The following COL2A1 variants were observed in gnomAD, a reference collection of about 807,000 sequenced individuals.
COL2A1 encodes collagen type II alpha 1 chain.
COL2A1 carries 28 observed loss-of-function variants against 204.5 expected under a neutral mutation model. That is an observed-to-expected ratio of 0.14 (90% CI 0.10 to 0.19). COL2A1 has a LOEUF of 0.19. COL2A1 is among the 10% of genes least tolerant of loss of function. The pLI, the probability that COL2A1 is intolerant of heterozygous loss-of-function variation, is 1.00. For missense variants in COL2A1, 1,388 were observed against 2,027.5 expected, an observed-to-expected ratio of 0.68 and a Z score of 6.06; for synonymous variants, 708 against 718.7, an observed-to-expected ratio of 0.99 and a Z score of 0.24.
At chr12:47,996,040 G>A in intron 8 of COL2A1, 121 bp from the exon 9 acceptor site, 1 of 767,558 alleles carries the variant, frequency 1.3e-6, no homozygotes, top group Non-Finnish European at 2.3e-6. Context: ...TGGGCAAGGG[G>A]CCTAGAGTGG....
In COL2A1 at chr12:47,980,623, T is replaced by C; in HGVS notation, c.2556A>G (p.Gly852=). The change falls in exon 39 of 54, where the codon GGA becomes GGG. Residue 852 remains glycine (G), a synonymous_variant. Transcript: ENST00000380518. This position sits in a 1 kb window ranked among gnomAD's most constrained non-coding sequence, Gnocchi z 4.5. ...DGQPGAKGEQ[G]EAGQKGDAGA... Reference sequence around the variant, plus strand: ...CAGCATCGCCTTTCTGGCCGGCCTCTCCTTGCTCACCCTTGGCCCCAGGCT... The same window carrying C: ...CAGCATCGCCTTTCTGGCCGGCCTCCCCTTGCTCACCCTTGGCCCCAGGCT... 6.2e-7 allele frequency: 1 copy of C among 1,612,854 alleles called. No individual in the cohort carries two copies. Among genetic ancestry groups the C allele is most frequent in the Non-Finnish European group, 8.5e-7 (1 of 1,179,628 alleles).
rs769679774 is a variant in COL2A1 at position 47,994,455 on chromosome 12, T to C, written c.785A>G (p.Lys262Arg). ...ACCAGGCGGACCCCTTTCACCAGCTTTTCCAGGTTTTCCAGCTTCACCCTG... is the reference window on the plus strand; with the variant it reads ...ACCAGGCGGACCCCTTTCACCAGCTCTTCCAGGTTTTCCAGCTTCACCCTG... ...GDDGEAGKPG[K>R]AGERGPPGPQ... is the part of the protein sequence containing the mutation. The change falls in exon 12 of 54, where the codon AAA (lysine) becomes AGA (arginine). Residue 262 changes from lysine (K) to arginine (R), a missense_variant. This residue lies in a region of COL2A1 where 884 missense variants were observed against 1,415.8 expected (regional missense o/e 0.62). Transcript: ENST00000380518. 4 of 1,614,006 alleles carry C rather than the reference T, an allele frequency of 2.5e-6. No homozygotes were observed. The highest frequency in any genetic ancestry group is 3.3e-5 in the Admixed American group (2 of 60,020).
At chr12:47,993,660 T>C (rs1464978378) in intron 14 of COL2A1, 149 bp downstream of exon 14, 7 of 1,090,210 alleles carry the variant, frequency 6.4e-6, no homozygotes, top group Non-Finnish European at 9.8e-6. Flanking sequence ...GGCCTGCTGT[T>C]GGCCCATCAG....
rs1938711190 is a variant in COL2A1, at chr12:47,976,455, G to A, written c.3489+59C>T. ...AGCAGCAGCATTTCCCTCCCCATGG[G>A]AACACAGGCCCACACTCTCTGAAGG... is the stretch of plus-strand genomic sequence containing the variant. On this transcript the variant is annotated intron_variant, in intron 49 of 53. Transcript: ENST00000380518. The surrounding 1 kb of genome is among the most constrained non-coding windows in gnomAD (Gnocchi z 4.3). The A allele has an allele frequency of 8.9e-6, 14 of 1,573,562 alleles. No individual in the cohort carries two copies. The highest frequency in any genetic ancestry group is 1.1e-5 in the Non-Finnish European group (13 of 1,143,442).
At chr12:47,997,537 G>T in intron 7 of COL2A1, 69 bp downstream of exon 7, 2 of 1,613,112 alleles carry the variant, frequency 1.2e-6, no homozygotes, top group South Asian at 2.2e-5. Flanking sequence ...CCAGGTAAGT[G>T]CAAGCAGCAA....
At position 47,981,416 on chromosome 12, in the gene COL2A1, G is replaced by A. The variant is rs377620449; in HGVS notation, c.2410-20C>T. Reference sequence around the variant, plus strand: ...TTCTCCCTGAGGGTGGGGAAGGGAGGAAGAGCTGGGGTAAGAAGGTGGGGA... The same window carrying A: ...TTCTCCCTGAGGGTGGGGAAGGGAGAAAGAGCTGGGGTAAGAAGGTGGGGA... On this transcript the variant is annotated intron_variant, in intron 36 of 53. Coordinates refer to ENST00000380518, the MANE Select transcript of COL2A1 (RefSeq NM_001844.5). 1.0e-5 allele frequency: 16 copies of A among 1,604,292 alleles called. No homozygotes were observed. In the African/African-American group the frequency reaches 1.7e-4, roughly 17 times the overall value.
intron 41 of COL2A1, among the ~76,000 whole-genome samples, 173 bp downstream of exon 41, chr12:47,979,338 G>C (rs1279214591): frequency 2.0e-5 from 3 of 152,152 alleles, no homozygotes; most frequent in Non-Finnish European, 4.4e-5. Context: ...CCACAACCCT[G>C]CCCCCAGCCA....
At chr12:47,989,165 G>C in intron 18 of COL2A1, 63 bp downstream of exon 18, 1 of 1,409,952 alleles carries the variant, frequency 7.1e-7, no homozygotes, top group South Asian at 1.2e-5. Context: ...ATGAGCAAGG[G>C]TTACGGGGAA....
intron 16 of COL2A1, among the ~76,000 whole-genome samples, chr12:47,990,257 G>A (rs955337778): frequency 1.3e-5 from 2 of 152,154 alleles, no homozygotes; most frequent in African/African-American, 2.4e-5. Context: ...TGATCCACCC[G>A]CCTCAGGCTC....
chr12:47,977,657 GA>G lies in COL2A1; in HGVS notation c.3112-5del. ...GGCCATCAGCACCGGGGCTTCCCTG[GA>G]CAAAGTGAAACAAGAATGCACTTAG... On this transcript the variant is annotated splice_region_variant and splice_polypyrimidine_tract_variant and intron_variant, in intron 44 of 53. Transcript: ENST00000380518. The G allele has an allele frequency of 6.2e-7, 1 of 1,613,994 alleles. No individual in the cohort carries two copies. Among genetic ancestry groups the G allele is most frequent in the Non-Finnish European group, 8.5e-7 (1 of 1,179,952 alleles).
rs1178605062 is a variant in COL2A1 at position 47,982,871 on chromosome 12, T to C, written c.2170A>G (p.Thr724Ala). ...GLQGPRGLPG[T>A]PGTDGPKGAS... ...ACTTTGGGACCATCAGTGCCAGGAGTGCCGGGGAGGCCACGGGGACCCTGG... is the reference window on the plus strand; with the variant it reads ...ACTTTGGGACCATCAGTGCCAGGAGCGCCGGGGAGGCCACGGGGACCCTGG... The change falls in exon 33 of 54, where the codon ACT (threonine) becomes GCT (alanine). Residue 724 changes from threonine to alanine, a missense_variant. Coordinates refer to ENST00000380518, the MANE Select transcript of COL2A1 (RefSeq NM_001844.5). 6.2e-7 allele frequency: 1 copy of C among 1,611,680 alleles called. No individual in the cohort carries two copies. The highest frequency in any genetic ancestry group is 8.5e-7 in the Non-Finnish European group (1 of 1,179,700).
intron 2 of COL2A1, chr12:47,998,695 G>T (rs915920): frequency 6.1e-6 from 3 of 489,062 alleles, no homozygotes; most frequent in Admixed American, 3.9e-5. Flanking sequence ...AAAGGAGCAA[G>T]GGCAGCACAA....
At chr12:47,982,415 G>A (rs1214443747) in intron 34 of COL2A1, 87 bp downstream of exon 34, 8 of 1,128,058 alleles carry the variant, frequency 7.1e-6, no homozygotes, top group Non-Finnish European at 1.1e-5. Context: ...TCATCACCAG[G>A]TGCCATAAGG....
intron 7 of COL2A1, among the ~76,000 whole-genome samples, chr12:47,997,288 C>G (rs2136624607): frequency 6.6e-6 from 1 of 152,332 alleles, no homozygotes; most frequent in African/African-American, 2.4e-5. Flanking sequence ...CAGGGAAATA[C>G]AAGTGCCCAG....
At chr12:47,981,032 C>T in intron 37 of COL2A1, 64 bp from the exon 38 acceptor site, 1 of 1,494,338 alleles carries the variant, frequency 6.7e-7, no homozygotes, top group East Asian at 2.5e-5. Context: ...CTGCTCCCCT[C>T]CAAGAGCCCC....
chr12:47,989,630 TC>T, intron 17 of COL2A1, 130 bp downstream of exon 17: 1 of 829,272 alleles, frequency 1.2e-6, no homozygotes, highest in Middle Eastern at 2.2e-4. Context: ...TTCTTCTCTT[TC>T]CTCCCCCTTT....
Position 47,978,528 on chromosome 12 carries a change from C to T in COL2A1, c.2895+69G>A. 1.2e-6 allele frequency: 2 copies of T among 1,603,540 alleles called. No individual in the cohort carries two copies. Among genetic ancestry groups the T allele is most frequent in the Non-Finnish European group, 1.7e-6 (2 of 1,173,698 alleles). On this transcript the variant is annotated intron_variant, in intron 42 of 53. Transcript: ENST00000380518. This position sits in a 1 kb window ranked among gnomAD's most constrained non-coding sequence, Gnocchi z 5.5. ...CCCCTGCTCCCTCCTACCCCATGCT[C>T]TGTGAGCTCAGAAGCCACTCACGAC...
Position 47,978,048 on chromosome 12 carries a change from G to A in COL2A1, c.3073C>T (p.Pro1025Ser), listed in dbSNP as rs1301506668. The change falls in exon 44 of 54, where the codon CCT (proline) becomes TCT (serine). Residue 1025 changes from proline (P) to serine (S), a missense_variant. By Grantham distance (74) the Pro-to-Ser change is moderately conservative (BLOSUM62 -1). Around this residue, in one of 3 missense-constraint regions of COL2A1, gnomAD observed 884 missense variants for 1,415.8 expected, o/e 0.62. Transcript: ENST00000380518. The surrounding 1 kb of genome is among the most constrained non-coding windows in gnomAD (Gnocchi z 5.5). ...DRGPPGPVGP[P>S]GLTGPAGEPG... is the part of the protein sequence containing the mutation. ...TCACCTGCAGGACCCGTCAGGCCAG[G>A]AGGACCCACGGGGCCAGGAGGACCT... The A allele has an allele frequency of 1.7e-5, 28 of 1,613,654 alleles. No homozygotes were observed. Among genetic ancestry groups the A allele is most frequent in the Non-Finnish European group, 2.3e-5 (27 of 1,180,002 alleles).
rs4760608 is a variant in COL2A1 at position 47,975,206 on chromosome 12, A to C, written c.3886+111T>G. The C allele has an allele frequency of 0.21, 283,516 of 1,377,868 alleles. 30,948 individuals carry two copies. Among genetic ancestry groups the C allele is most frequent in the East Asian group, 0.3 (12,122 of 40,512 alleles). The allele number at this position is 1,377,868 out of a possible 1,614,324, so 85.4% of individuals were successfully genotyped here. ...ATAAGAGAGGAACCCTCTGGCGGAA[A>C]CTTCCAGGCCCAGCTCTGCCCTGTA... On this transcript the variant is annotated intron_variant, in intron 51 of 53. Transcript: ENST00000380518.
Sources: gnomAD v4.1 joint callset for allele counts (sites outside exome capture counted in the v4.1 genomes callset) on GRCh38, gnomAD v4.1.1 for gene constraint, gnomAD v4.1.1 regional missense constraint, Gnocchi (gnomAD v3.1) non-coding constraint, MANE v1.5 for transcripts, NCBI Gene and HGNC (gene_info 2026-07-23, HGNC 2026-07-21) for gene names.